Variants in PALLD observed in about 807,000 individuals in gnomAD.
PALLD encodes the protein palladin, cytoskeletal associated protein.
A neutral mutation model predicts 123.5 loss-of-function variants in PALLD; 61 were observed. The ratio of observed to expected loss-of-function variants is 0.49; its 90% CI spans 0.40 to 0.61. The LOEUF (loss-of-function observed/expected upper bound fraction) is 0.61. Among genes scored for constraint, PALLD ranks in the 20% least tolerant of loss-of-function variants. The probability of loss-of-function intolerance (pLI) is 0.00; values close to 1 mark genes in which losing one functional copy is unlikely to be tolerated. For missense variants in PALLD, 1,273 were observed against 1,377.0 expected, an observed-to-expected ratio of 0.92 and a Z score of 1.20; for synonymous variants, 465 against 496.4, an observed-to-expected ratio of 0.94 and a Z score of 0.84.
intron 10 of PALLD, among the ~76,000 whole-genome samples, chr4:168,830,269 C>T (rs550421064): frequency 4.8e-5 from 7 of 146,588 alleles, no homozygotes; most frequent in South Asian, 2.2e-4. Flanking sequence ...AGGCTGAGTG[C>T]GGTGGTCACG....
At chr4:168,557,130 AC>A (rs1428131254) in intron 2 of PALLD, among the ~76,000 whole-genome samples, 2 of 151,810 alleles carry the variant, frequency 1.3e-5, no homozygotes, top group African/African-American at 2.4e-5. Flanking sequence ...TGCAACCTCC[AC>A]CTCCCGGCTT....
intron 10 of PALLD, among the ~76,000 whole-genome samples, chr4:168,742,013 T>G (rs2320080): frequency 0.55 from 83,908 of 152,074 alleles, 23,406 homozygotes; most frequent in East Asian, 0.63. Flanking sequence ...AAAGCCCACT[T>G]GTTTCTGACT....
At chr4:168,784,349 G>A (rs1177621228) in intron 10 of PALLD, among the ~76,000 whole-genome samples, 1 of 151,938 alleles carries the variant, frequency 6.6e-6, no homozygotes, top group Non-Finnish European at 1.5e-5. Flanking sequence ...GAGAGAGAGA[G>A]AGAAAGAAAA....
chr4:168,782,685 G>T (rs1037674793), intron 10 of PALLD, among the ~76,000 whole-genome samples: 1 of 152,054 alleles, frequency 6.6e-6, no homozygotes, highest in African/African-American at 2.4e-5. Context: ...AAGGCAGGTG[G>T]ATCACTTGAG....
intron 10 of PALLD, among the ~76,000 whole-genome samples, chr4:168,868,288 C>A (rs993203644): frequency 1.3e-5 from 2 of 152,090 alleles, no homozygotes; most frequent in African/African-American, 2.4e-5. Flanking sequence ...GACTGGCAGA[C>A]CCACAAGGAA....
In PALLD at chr4:168,670,765, CAAAAAAAAACAAAAAAAA is replaced by C. The variant is rs1561375401; in HGVS notation, c.1087+2403_1087+2420del. 1.4e-3 allele frequency among the ~76,000 whole-genome samples: 154 copies of C among 109,496 alleles called. 4 individuals carry two copies. Among genetic ancestry groups the C allele is most frequent in the Non-Finnish European group, 2.1e-3 (115 of 54,300 alleles). 71.8% of individuals were successfully genotyped at this position (109,496 alleles called of 152,430 possible). On this transcript the variant is annotated intron_variant, in intron 3 of 21. Transcript: ENST00000505667. ...AAAAAAACAAAAAAAACAAAAAAAACAAAAAAAAACAAAAAAAAAAAAACAAAAAAAACAAAAAAGCTG... is the reference window on the plus strand; with the variant it reads ...AAAAAAACAAAAAAAACAAAAAAAACAAAAACAAAAAAAACAAAAAAGCTG...
intron 6 of PALLD, among the ~76,000 whole-genome samples, chr4:168,690,005 A>G (rs1471935412): frequency 2.7e-5 from 4 of 147,170 alleles, no homozygotes; most frequent in African/African-American, 9.8e-5. Flanking sequence ...AGGAGCAAAG[A>G]AGGAGGAAAT....
intron 3 of PALLD, among the ~76,000 whole-genome samples, chr4:168,670,735 G>A (rs1323181191): frequency 2.1e-4 from 21 of 98,582 alleles, no homozygotes; most frequent in African/African-American, 4.3e-4. Flanking sequence ...GCGAGACTCC[G>A]TCTCAAAAAA....
chr4:168,865,214 C>T (rs185116613), intron 10 of PALLD, among the ~76,000 whole-genome samples: 422 of 152,368 alleles, frequency 2.8e-3, no homozygotes, highest in Non-Finnish European at 4.7e-3. Flanking sequence ...TGGTCAAAAG[C>T]TAAGAAGGGC....
chr4:168,515,083 T>C (rs1290660173), intron 2 of PALLD, among the ~76,000 whole-genome samples: 2 of 152,234 alleles, frequency 1.3e-5, no homozygotes, highest in Non-Finnish European at 2.9e-5. Flanking sequence ...GTCATGTTTG[T>C]ATCCTATAGA....
In PALLD at chr4:168,832,117, C is replaced by T. The variant is rs1048845422; in HGVS notation, c.1965-58805C>T. 2.0e-5 allele frequency: 20 copies of T among 985,306 alleles called. No homozygotes were observed. In the African/African-American group the frequency reaches 2.4e-4, roughly 12 times the overall value. The allele number at this position is 985,306 out of a possible 1,614,324, so 61.0% of individuals were successfully genotyped here. A position where few individuals can be genotyped will look rare whatever the true frequency, so the allele number is the denominator to read the frequency against. ...GGTCCGCGGAGCCCGCTGCAGCTCC[C>T]GCTCGCTCCGGACGCGGAATCGGGC... On this transcript the variant is annotated intron_variant, in intron 10 of 21. Transcript: ENST00000505667.
At chr4:168,531,938 C>A (rs77619644) in intron 2 of PALLD, among the ~76,000 whole-genome samples, 14,064 of 151,810 alleles carry the variant, frequency 0.093, 1,315 homozygotes, top group African/African-American at 0.24. Flanking sequence ...CATTTTATTT[C>A]TTTTTTAACT....
At chr4:168,905,446 C>G (rs1757521646) in intron 15 of PALLD, among the ~76,000 whole-genome samples, 1 of 151,748 alleles carries the variant, frequency 6.6e-6, no homozygotes, top group Non-Finnish European at 1.5e-5. Context: ...CTGCACCCGG[C>G]CTGAGACTCT....
intron 2 of PALLD, among the ~76,000 whole-genome samples, chr4:168,596,562 C>G (rs1771996328): frequency 6.6e-6 from 1 of 151,638 alleles, no homozygotes; most frequent in African/African-American, 2.4e-5. Context: ...ACATTTCATC[C>G]CAGAGAGAAT....
At position 168,808,840 on chromosome 4, in the gene PALLD, T is replaced by C. The variant is rs573681942; in HGVS notation, c.1965-82082T>C. 1.3e-3 allele frequency among the ~76,000 whole-genome samples: 195 copies of C among 152,208 alleles called. 1 individual carries two copies. The highest frequency in any genetic ancestry group is 4.3e-3 in the African/African-American group (180 of 41,538). On this transcript the variant is annotated intron_variant, in intron 10 of 21. Transcript: ENST00000505667. ...GAGGAAACTGCCCCCATGATTCAAT[T>C]ATCTCCCACCGGATCCCTCCCACAA... is the stretch of plus-strand genomic sequence containing the variant.
intron 10 of PALLD, among the ~76,000 whole-genome samples, chr4:168,823,889 A>C (rs73864649): frequency 0.02 from 3,086 of 152,280 alleles, 109 homozygotes; most frequent in African/African-American, 0.07. Context: ...TTGTGAAGAG[A>C]ATTTTTGTCA....
chr4:168,750,770 G>A (rs1730954932), intron 10 of PALLD, among the ~76,000 whole-genome samples: 1 of 152,096 alleles, frequency 6.6e-6, no homozygotes. Flanking sequence ...CCCTAGTTAT[G>A]CCTTAAGGCC....
At chr4:168,614,011 C>T (rs1258576471) in intron 2 of PALLD, among the ~76,000 whole-genome samples, 2 of 152,132 alleles carry the variant, frequency 1.3e-5, no homozygotes, top group Non-Finnish European at 2.9e-5. Context: ...CTGGAGAATT[C>T]GGTTTCGACT....
chr4:168,818,239 C>T (rs1365594979), intron 10 of PALLD, among the ~76,000 whole-genome samples: 1 of 152,028 alleles, frequency 6.6e-6, no homozygotes, highest in Non-Finnish European at 1.5e-5. Flanking sequence ...GACCAAGCTC[C>T]ATCCTACCAA....
Sources: allele counts gnomAD v4.1 joint callset (sites outside exome capture counted in the v4.1 genomes callset), GRCh38; gene constraint gnomAD v4.1.1; transcripts MANE v1.5; gene names NCBI Gene and HGNC (gene_info 2026-07-23, HGNC 2026-07-21).